The following SP3 variants were observed in gnomAD, a reference collection of about 807,000 sequenced individuals.
SP3 encodes transcription factor Sp3.
Under a neutral mutation model 70.3 loss-of-function variants are expected in SP3, and 10 were observed. The ratio of observed to expected loss-of-function variants is 0.14; its 90% confidence interval spans 0.09 to 0.24. The LOEUF (loss-of-function observed/expected upper bound fraction) is 0.24. Ranked by LOEUF, SP3 falls within the 10% of genes least tolerant of loss-of-function variation. SP3 has a pLI of 1.00. For synonymous variants in SP3, 402 were observed against 333.5 expected, an observed-to-expected ratio of 1.21 and a Z score of -2.24; for missense variants, 825 against 914.6, an observed-to-expected ratio of 0.90 and a Z score of 1.26.
At chr2:173,920,505 T>C (rs1046726444) in intron 4 of SP3, among the ~76,000 whole-genome samples, 18 of 152,106 alleles carry the variant, frequency 1.2e-4, no homozygotes, top group African/African-American at 4.1e-4. Context: ...GATGTTGACA[T>C]AGGGAAGGGT....
chr2:173,917,698 T>C (rs1051725923), intron 5 of SP3, among the ~76,000 whole-genome samples: 3 of 152,220 alleles, frequency 2.0e-5, no homozygotes, highest in East Asian at 1.9e-4. Flanking sequence ...TTTGGTTAAG[T>C]ATGGCTTTAG....
chr2:173,941,606 A>G (rs1208009786), intron 4 of SP3, among the ~76,000 whole-genome samples: 3 of 152,164 alleles, frequency 2.0e-5, no homozygotes, highest in South Asian at 2.1e-4. Context: ...CCTAAAAAAA[A>G]GAAAAGAAAG....
chr2:173,929,822 G>A (rs769761714), intron 4 of SP3, among the ~76,000 whole-genome samples: 25 of 152,252 alleles, frequency 1.6e-4, no homozygotes, highest in Middle Eastern at 3.4e-3. Context: ...GAGGTATGGG[G>A]CAGAGAGCAA....
At chr2:173,911,813 CTTTTTTT>C (rs11448837) in intron 6 of SP3, among the ~76,000 whole-genome samples, 16 of 98,022 alleles carry the variant, frequency 1.6e-4, no homozygotes, top group Middle Eastern at 6.8e-3. Flanking sequence ...TTTTATCTAC[CTTTTTTT>C]TTTTTTTTTT....
At position 173,904,979 on chromosome 2, in the gene SP3, G is replaced by C. The variant is rs770702138; in HGVS notation, c.*4962C>G. ...CTGAAGATTCTTCGGCTGGTTTTTA[G>C]AAATGTTCAAATAGGATAGACTCTT... On this transcript the variant is annotated 3_prime_UTR_variant, in exon 7 of 7. Transcript: ENST00000310015. Among the ~76,000 whole-genome samples, 14 of 152,160 alleles carry C rather than the reference G, an allele frequency of 9.2e-5. No homozygotes were observed. The highest frequency in any genetic ancestry group is 3.4e-4 in the African/African-American group (14 of 41,434).
intron 4 of SP3, among the ~76,000 whole-genome samples, chr2:173,951,881 T>C (rs754139736): frequency 1.8e-4 from 27 of 152,312 alleles, no homozygotes; most frequent in Middle Eastern, 6.8e-3. Flanking sequence ...TGAACTATCA[T>C]ACAGATCTTC....
At chr2:173,935,689 T>C (rs1690189145) in intron 4 of SP3, among the ~76,000 whole-genome samples, 2 of 152,200 alleles carry the variant, frequency 1.3e-5, no homozygotes, top group South Asian at 2.1e-4. Flanking sequence ...ACTGTGTCTA[T>C]CAACCATCTC....
Position 173,955,066 on chromosome 2 carries a change from A to G in SP3, c.1446T>C (p.Thr482=). The G allele has an allele frequency of 6.2e-7, 1 of 1,614,220 alleles. No homozygotes were observed. The highest frequency in any genetic ancestry group is 1.1e-5 in the South Asian group (1 of 91,076). ...QNLQNLQIQN[T]AAQQITLTPV... ...GCGTCAAAGTTATTTGTTGGGCAGC[A>G]GTATTCTGTATTTGCAAATTCTGCA... Residue 482 remains threonine (T), a synonymous_variant, in exon 4 of 7, where the codon ACT becomes ACC. Transcript: ENST00000310015.
intron 4 of SP3, among the ~76,000 whole-genome samples, chr2:173,934,990 T>C (rs1422567510): frequency 1.3e-5 from 2 of 152,176 alleles, no homozygotes; most frequent in African/African-American, 4.8e-5. Context: ...CTTATGTAAA[T>C]ATAGCAGCAA....
At chr2:173,957,008 G>A (rs1226373390) in intron 3 of SP3, among the ~76,000 whole-genome samples, 1 of 152,058 alleles carries the variant, frequency 6.6e-6, no homozygotes, top group East Asian at 1.9e-4. Flanking sequence ...TATTCTCAAT[G>A]GGAATCTCAA....
intron 4 of SP3, among the ~76,000 whole-genome samples, chr2:173,923,749 TA>T (rs1689827050): frequency 6.7e-6 from 1 of 150,040 alleles, no homozygotes; most frequent in Non-Finnish European, 1.5e-5. Context: ...AATTTGATTC[TA>T]AATCAAATTT....
At chr2:173,938,868 C>T (rs997048503) in intron 4 of SP3, among the ~76,000 whole-genome samples, 2 of 152,158 alleles carry the variant, frequency 1.3e-5, no homozygotes, top group Non-Finnish European at 2.9e-5. Flanking sequence ...GTCTGTCTAA[C>T]CCAATGATTC....
At chr2:173,958,500 C>G (rs1004004391) in intron 3 of SP3, among the ~76,000 whole-genome samples, 1 of 149,694 alleles carries the variant, frequency 6.7e-6, no homozygotes, top group African/African-American at 2.5e-5. Flanking sequence ...AAACCTAGAG[C>G]AAAGTGATGT....
At chr2:173,958,257 C>A (rs1208538340) in intron 3 of SP3, among the ~76,000 whole-genome samples, 1 of 144,306 alleles carries the variant, frequency 6.9e-6, no homozygotes. Flanking sequence ...GTCAAATTTA[C>A]AGCACCTAAA....
intron 3 of SP3, chr2:173,963,209 A>G (rs939496753): frequency 6.6e-6 from 1 of 152,228 alleles, no homozygotes; most frequent in African/African-American, 2.4e-5. Context: ...GTAGTCTGCA[A>G]AAACTAAAAT....
rs77325670 is a variant in SP3 at position 173,918,519 on chromosome 2, T to C, written c.1832+74A>G. 2,919 of 1,369,486 alleles carry C rather than the reference T, an allele frequency of 2.1e-3. 63 individuals are homozygous for C. In the African/African-American group the frequency reaches 0.037, roughly 17 times the overall value. 84.8% of individuals were successfully genotyped at this position (1,369,486 alleles called of 1,614,324 possible). ...AATAATTTCTCATAATTAAATGACA[T>C]AGCATGCAGTATTTCAAAAATCAGA... On this transcript the variant is annotated intron_variant, in intron 5 of 6. Transcript: ENST00000310015.
intron 4 of SP3, among the ~76,000 whole-genome samples, chr2:173,939,764 C>CTTAAAAAAA (rs1690308833): frequency 1.4e-5 from 1 of 70,194 alleles, no homozygotes; most frequent in Non-Finnish European, 2.5e-5. Flanking sequence ...GACTCCAACT[C>CTTAAAAAAA]AAAAAAAAAA....
chr2:173,910,098 G>A lies in SP3; in HGVS notation c.2189C>T (p.Ala730Val). 1 of 1,612,250 alleles carries A rather than the reference G, an allele frequency of 6.2e-7. No individual in the cohort carries two copies. The highest frequency in any genetic ancestry group is 8.5e-7 in the Non-Finnish European group (1 of 1,178,644). The change falls in exon 7 of 7, where the codon GCA becomes GTA. Residue 730 changes from alanine to valine, a missense_variant. Ala to Val is a moderately conservative substitution (Grantham distance 64). Transcript: ENST00000310015. ...EAARDDTLIT[A>V]GGTTLILANI... ...TGCAAGGATAAGCGTTGTTCCTCCT[G>A]CAGTAATCAAAGTATCATCTCGCGC... is the stretch of plus-strand genomic sequence containing the variant.
chr2:173,913,298 A>G lies in SP3; in HGVS notation c.1833-32T>C, dbSNP rs762690191. 7 of 1,382,140 alleles carry G rather than the reference A, an allele frequency of 5.1e-6. No individual in the cohort carries two copies. The African/African-American group carries it at 5.9e-5, about 12-fold the overall frequency. 85.6% of individuals were successfully genotyped at this position (1,382,140 alleles called of 1,614,324 possible). ...AACACACATAGAATAATATATACTT[A>G]TATGAAAATATTCAAATGGACATTA... is the stretch of plus-strand genomic sequence containing the variant. On this transcript the variant is annotated intron_variant, in intron 5 of 6. Coordinates refer to ENST00000310015, the MANE Select transcript of SP3 (RefSeq NM_003111.5).
Sources: gnomAD v4.1 joint callset for allele counts (sites outside exome capture counted in the v4.1 genomes callset) on GRCh38, gnomAD v4.1.1 for gene constraint, MANE v1.5 for transcripts, NCBI Gene and HGNC (gene_info 2026-07-23, HGNC 2026-07-21) for gene names.